Variants in NYAP2 observed in about 807,000 individuals in gnomAD.
NYAP2 encodes the protein neuronal tyrosine-phosphorylated phosphoinositide-3-kinase adaptor 2, also known as neuronal tyrosine-phosphorylated phosphoinositide-3-kinase adapter 2.
In NYAP2, 23 loss-of-function variants were observed where a neutral mutation model predicts 50.4. The ratio of observed to expected loss-of-function variants is 0.46; its 90% CI spans 0.33 to 0.65. NYAP2 has a LOEUF of 0.65. NYAP2 is among the 30% of genes least tolerant of loss of function. The probability of loss-of-function intolerance (pLI) is 0.02; values close to 1 mark genes in which losing one functional copy is unlikely to be tolerated. For synonymous variants in NYAP2, 394 were observed against 365.2 expected (o/e 1.08, Z -0.90); for missense variants, 885 against 861.0 (o/e 1.03, Z -0.35).
intron 5 of NYAP2, among the ~76,000 whole-genome samples, chr2:225,605,808 ACTTTT>A (rs747823267): frequency 2.4e-4 from 36 of 152,204 alleles, no homozygotes; most frequent in Middle Eastern, 3.4e-3. Flanking sequence ...ATTTACTTCT[ACTTTT>A]CTTTTCTTTC....
At chr2:225,445,664 C>T (rs1269363087) in intron 3 of NYAP2, among the ~76,000 whole-genome samples, 1 of 151,786 alleles carries the variant, frequency 6.6e-6, no homozygotes, top group Non-Finnish European at 1.5e-5. Flanking sequence ...AAATGTAAAG[C>T]TTAAGAAATG....
At chr2:225,668,986 T>C in the NYAP2 span, among the ~76,000 whole-genome samples, 2 of 73,650 alleles carry the variant, frequency 2.7e-5, no homozygotes, top group African/African-American at 8.8e-5. Context: ...TTTTTTTTTT[T>C]TGCTGCTAAT....
chr2:225,460,268 T>C (rs909628044), intron 3 of NYAP2, among the ~76,000 whole-genome samples: 12 of 152,196 alleles, frequency 7.9e-5, no homozygotes, highest in African/African-American at 2.9e-4. Flanking sequence ...TTAATCAGTT[T>C]GACATATGTA....
chr2:225,465,573 G>A (rs1422163091), intron 3 of NYAP2, among the ~76,000 whole-genome samples: 2 of 152,072 alleles, frequency 1.3e-5, no homozygotes, highest in African/African-American at 4.8e-5. Flanking sequence ...AAAAGTAGGT[G>A]GGCATGGTGG....
chr2:225,644,297 T>C (rs1693588236), intron 6 of NYAP2, among the ~76,000 whole-genome samples: 1 of 152,218 alleles, frequency 6.6e-6, no homozygotes, highest in African/African-American at 2.4e-5. Context: ...TGTTTGTTTT[T>C]TTCCTGTAAA....
intron 4 of NYAP2, among the ~76,000 whole-genome samples, chr2:225,538,291 A>G (rs530998433): frequency 6.6e-6 from 1 of 152,294 alleles, no homozygotes; most frequent in South Asian, 2.1e-4. Context: ...ACACTGTCCT[A>G]GCAGAGGTTC....
At chr2:225,572,920 A>G (rs377531612) in intron 4 of NYAP2, among the ~76,000 whole-genome samples, 1 of 152,014 alleles carries the variant, frequency 6.6e-6, no homozygotes, top group Non-Finnish European at 1.5e-5. Context: ...CTTCCTTTAT[A>G]TATATATTAA....
chr2:225,490,437 T>C (rs1483822188), intron 3 of NYAP2, among the ~76,000 whole-genome samples: 4 of 152,186 alleles, frequency 2.6e-5, no homozygotes, highest in Admixed American at 2.0e-4. Context: ...CAGTATAAAA[T>C]GCATTTTGTA....
intron 6 of NYAP2, among the ~76,000 whole-genome samples, chr2:225,638,288 G>C (rs1047196112): frequency 1.3e-5 from 2 of 151,760 alleles, no homozygotes; most frequent in African/African-American, 2.4e-5. Context: ...GTCTCCAGCA[G>C]TGGAAAGTCA....
chr2:225,608,523 T>C (rs1400600968), intron 5 of NYAP2, among the ~76,000 whole-genome samples: 2 of 152,158 alleles, frequency 1.3e-5, no homozygotes, highest in Non-Finnish European at 2.9e-5. Flanking sequence ...TTCTTTTCTA[T>C]GTAAATTCAG....
the NYAP2 span, among the ~76,000 whole-genome samples, chr2:225,665,807 T>TA: frequency 0.039 from 812 of 20,966 alleles, 193 homozygotes; most frequent in African/African-American, 0.13. Flanking sequence ...AGCCTCCGTC[T>TA]AAAAAAAAAA....
At chr2:225,471,640 T>A (rs1314637776) in intron 3 of NYAP2, among the ~76,000 whole-genome samples, 2 of 152,256 alleles carry the variant, frequency 1.3e-5, no homozygotes, top group African/African-American at 4.8e-5. Context: ...TGTGTTTTAC[T>A]AAGTCGCTGG....
At chr2:225,552,642 C>T (rs1365780582) in intron 4 of NYAP2, among the ~76,000 whole-genome samples, 1 of 152,138 alleles carries the variant, frequency 6.6e-6, no homozygotes, top group Non-Finnish European at 1.5e-5. Flanking sequence ...TGCTGGAACC[C>T]TGATTTCAGG....
At chr2:225,520,035 T>A (rs560139377) in intron 4 of NYAP2, among the ~76,000 whole-genome samples, 1 of 152,240 alleles carries the variant, frequency 6.6e-6, no homozygotes, top group Non-Finnish European at 1.5e-5. Flanking sequence ...ATGGTGAGCA[T>A]TTTTTCATGT....
intron 5 of NYAP2, among the ~76,000 whole-genome samples, chr2:225,621,433 T>C (rs1024977301): frequency 6.6e-6 from 1 of 152,124 alleles, no homozygotes; most frequent in African/African-American, 2.4e-5. Flanking sequence ...GTCAAATTCT[T>C]AGAGACAGAA....
intron 3 of NYAP2, among the ~76,000 whole-genome samples, chr2:225,481,932 C>T (rs1690212983): frequency 6.6e-6 from 1 of 152,018 alleles, no homozygotes. Flanking sequence ...ATAACAACAA[C>T]AATTTCAACA....
intron 6 of NYAP2, among the ~76,000 whole-genome samples, chr2:225,647,327 C>A (rs1459042183): frequency 2.0e-5 from 3 of 152,088 alleles, no homozygotes; most frequent in Admixed American, 6.6e-5. Flanking sequence ...ATTTAGGCAT[C>A]CTGGGAAATG....
chr2:225,639,765 G>T (rs1435609042), intron 6 of NYAP2, among the ~76,000 whole-genome samples: 1 of 152,102 alleles, frequency 6.6e-6, no homozygotes, highest in Non-Finnish European at 1.5e-5. Flanking sequence ...TTACAGAAAT[G>T]ACAAAATTTT....
At chr2:225,567,237 A>G (rs1338566077) in intron 4 of NYAP2, among the ~76,000 whole-genome samples, 3 of 152,182 alleles carry the variant, frequency 2.0e-5, no homozygotes, top group Admixed American at 2.0e-4. Flanking sequence ...TTATAATCTT[A>G]TGAGACCACA....
Sources: allele counts gnomAD v4.1 joint callset (sites outside exome capture counted in the v4.1 genomes callset), GRCh38; gene constraint gnomAD v4.1.1; transcripts MANE v1.5; gene names NCBI Gene and HGNC (gene_info 2026-07-23, HGNC 2026-07-21).